The following CSMD1 variants were observed in gnomAD, a reference collection of about 807,000 sequenced individuals.
The protein encoded by CSMD1 is CUB and Sushi multiple domains 1.
CSMD1 carries 213 observed loss-of-function variants against 417.5 expected under a neutral mutation model. The observed-to-expected ratio is 0.51, with a 90% CI of 0.46 to 0.57. The LOEUF is 0.57. Among genes scored for constraint, CSMD1 ranks in the 20% least tolerant of loss-of-function variants. The pLI is 0.00. For synonymous variants in CSMD1, 2,862 were observed against 1,736.8 expected (o/e 1.65, Z -16.11); for missense variants, 6,923 against 4,529.7 (o/e 1.53, Z -15.17).
intron 2 of CSMD1, among the ~76,000 whole-genome samples, chr8:4,493,053 T>C (rs1252429865): frequency 1.3e-5 from 2 of 152,140 alleles, no homozygotes; most frequent in African/African-American, 4.8e-5. Flanking sequence ...TATTAAATAT[T>C]TCAGTTCTGA....
At chr8:2,943,868 A>G (rs1455901477) in intron 68 of CSMD1, among the ~76,000 whole-genome samples, 2 of 152,254 alleles carry the variant, frequency 1.3e-5, no homozygotes, top group Admixed American at 6.5e-5. Context: ...CAGAATTTAT[A>G]AAATGTCAGA....
intron 1 of CSMD1, among the ~76,000 whole-genome samples, chr8:4,962,130 G>C (rs908064170): frequency 6.9e-6 from 1 of 145,822 alleles, no homozygotes; most frequent in African/African-American, 2.5e-5. Flanking sequence ...TTTTTGTATT[G>C]GAGGCTTTTA....
intron 60 of CSMD1, among the ~76,000 whole-genome samples, chr8:2,962,985 C>T (rs528138082): frequency 1.3e-5 from 2 of 152,266 alleles, no homozygotes; most frequent in East Asian, 3.9e-4. Context: ...GAGATTGAGG[C>T]TGCAGGGAGC....
intron 7 of CSMD1, among the ~76,000 whole-genome samples, chr8:3,630,477 G>T (rs543041760): frequency 1.3e-5 from 2 of 152,310 alleles, no homozygotes; most frequent in East Asian, 3.9e-4. Flanking sequence ...AAGCATGAAA[G>T]ATGCTTAGAT....
rs181136357 is a variant in CSMD1 at position 3,586,345 on chromosome 8, T to C, written c.1098-85A>G. On this transcript the variant is annotated intron_variant, in intron 8 of 69. Transcript: ENST00000635120. ...AAAAAAAAAAAATCAGCAAAATGGCTGCTACGATCTTGTTCAGTTAAAACA... is the reference window on the plus strand; with the variant it reads ...AAAAAAAAAAAATCAGCAAAATGGCCGCTACGATCTTGTTCAGTTAAAACA... The C allele has an allele frequency of 1.1e-4, 143 of 1,311,762 alleles. 1 individual carries two copies. The Admixed American group carries it at 3.7e-3, about 34-fold the overall frequency. 81.3% of individuals were successfully genotyped at this position (1,311,762 alleles called of 1,614,324 possible). A position where few individuals can be genotyped will look rare whatever the true frequency, so the allele number is the denominator to read the frequency against.
intron 6 of CSMD1, among the ~76,000 whole-genome samples, chr8:3,741,899 A>T (rs142286363): frequency 2.8e-3 from 426 of 152,224 alleles, no homozygotes; most frequent in African/African-American, 9.8e-3. Context: ...CATGTGAGTC[A>T]TATTCTGGCC....
intron 10 of CSMD1, among the ~76,000 whole-genome samples, chr8:3,518,867 G>C (rs749391914): frequency 2.6e-5 from 4 of 152,102 alleles, no homozygotes; most frequent in Non-Finnish European, 4.4e-5. Flanking sequence ...ACTATAACAA[G>C]ACAGTCCTAT....
intron 3 of CSMD1, among the ~76,000 whole-genome samples, chr8:4,195,541 T>A (rs930692272): frequency 1.3e-5 from 2 of 152,138 alleles, no homozygotes; most frequent in East Asian, 1.9e-4. Context: ...GAGAAAGACT[T>A]GTGATGTGCG....
chr8:3,502,499 T>C (rs535025692), intron 10 of CSMD1, among the ~76,000 whole-genome samples: 5 of 152,266 alleles, frequency 3.3e-5, no homozygotes, highest in African/African-American at 1.2e-4. Context: ...TAAACTGTGG[T>C]ATATCCAGAC....
At chr8:3,295,427 C>G (rs557697224) in intron 25 of CSMD1, among the ~76,000 whole-genome samples, 1 of 152,142 alleles carries the variant, frequency 6.6e-6, no homozygotes, top group African/African-American at 2.4e-5. Context: ...AGCCCAGCCT[C>G]AATTTGCTTT....
At chr8:3,323,808 G>T (rs1322314631) in intron 23 of CSMD1, among the ~76,000 whole-genome samples, 1 of 148,202 alleles carries the variant, frequency 6.7e-6, no homozygotes, top group Non-Finnish European at 1.5e-5. Context: ...ACCCAGGAGG[G>T]GGAGTTTCCT....
intron 7 of CSMD1, among the ~76,000 whole-genome samples, chr8:3,656,463 T>A (rs1287619384): frequency 6.6e-6 from 1 of 152,216 alleles, no homozygotes; most frequent in Non-Finnish European, 1.5e-5. Flanking sequence ...TGGTGTTTGG[T>A]GGACAGAAAT....
At chr8:4,728,732 C>A (rs772024022) in intron 1 of CSMD1, among the ~76,000 whole-genome samples, 1 of 151,814 alleles carries the variant, frequency 6.6e-6, no homozygotes, top group Non-Finnish European at 1.5e-5. Context: ...TCAGTAGATG[C>A]TCAATTAATA....
intron 5 of CSMD1, among the ~76,000 whole-genome samples, chr8:3,975,014 G>C (rs10448104): frequency 0.23 from 35,447 of 152,026 alleles, 4,274 homozygotes; most frequent in East Asian, 0.4. Context: ...AGTGAAAATG[G>C]AATATAAATT....
chr8:4,189,845 A>C (rs187224667), intron 3 of CSMD1, among the ~76,000 whole-genome samples: 7 of 152,040 alleles, frequency 4.6e-5, no homozygotes, highest in Admixed American at 1.3e-4. Flanking sequence ...GCTTTTTAAC[A>C]TATTAATATT....
intron 1 of CSMD1, among the ~76,000 whole-genome samples, chr8:4,940,079 A>G (rs1308520474): frequency 2.0e-5 from 3 of 152,164 alleles, no homozygotes; most frequent in Non-Finnish European, 2.9e-5. Context: ...ACCGGGCAGA[A>G]AAGTTGCATG....
chr8:4,031,518 C>A (rs960430021), intron 4 of CSMD1, among the ~76,000 whole-genome samples: 9 of 152,284 alleles, frequency 5.9e-5, no homozygotes, highest in African/African-American at 2.2e-4. Flanking sequence ...GTTCCTCCCA[C>A]AACATGTGGG....
intron 10 of CSMD1, among the ~76,000 whole-genome samples, chr8:3,554,052 G>A (rs566095244): frequency 9.8e-5 from 15 of 152,290 alleles, no homozygotes; most frequent in Admixed American, 7.8e-4. Context: ...TTTGAAAGAT[G>A]GGATGTGGAT....
chr8:3,814,861 AC>A (rs1478736626), intron 5 of CSMD1, among the ~76,000 whole-genome samples: 4 of 152,134 alleles, frequency 2.6e-5, no homozygotes, highest in African/African-American at 9.7e-5. Context: ...TACTAGACAC[AC>A]CCACTTGTGT....
Sources: allele counts gnomAD v4.1 joint callset (sites outside exome capture counted in the v4.1 genomes callset), GRCh38; gene constraint gnomAD v4.1.1; transcripts MANE v1.5; gene names NCBI Gene and HGNC (gene_info 2026-07-23, HGNC 2026-07-21).